PDE8A: variants seen among roughly 807,000 people sequenced by gnomAD.
PDE8A encodes the protein high affinity cAMP-specific and IBMX-insensitive 3',5'-cyclic phosphodiesterase 8A.
In PDE8A, 59 loss-of-function variants were observed where a neutral mutation model predicts 105.0. The observed-to-expected ratio is 0.56, with a 90% confidence interval of 0.46 to 0.70. PDE8A has a LOEUF of 0.70. PDE8A is among the 30% of genes least tolerant of loss of function. The pLI is 0.00. For missense variants in PDE8A, 1,014 were observed against 1,045.9 expected (o/e 0.97, Z 0.42); for synonymous variants, 355 against 371.9 (o/e 0.95, Z 0.52).
chr15:85,022,414 G>T (rs2080441507), intron 1 of PDE8A, among the ~76,000 whole-genome samples: 1 of 140,238 alleles, frequency 7.1e-6, no homozygotes, highest in Non-Finnish European at 1.5e-5. Context: ...GCTTTGTCTG[G>T]GTATTGGAAG....
chr15:85,072,289 C>T (rs2081323182), intron 3 of PDE8A, among the ~76,000 whole-genome samples: 1 of 152,194 alleles, frequency 6.6e-6, no homozygotes, highest in African/African-American at 2.4e-5. Context: ...TATAGTGAGC[C>T]TCCATTATGT....
At chr15:85,039,962 G>A (rs1485375325) in intron 1 of PDE8A, among the ~76,000 whole-genome samples, 5 of 151,988 alleles carry the variant, frequency 3.3e-5, no homozygotes, top group African/African-American at 9.7e-5. Context: ...GGGAAAAGAG[G>A]ATACACTGGT....
rs2082116472 is a variant in PDE8A at position 85,117,625 on chromosome 15, T to G, written c.1536-16T>G. On this transcript the variant is annotated splice_polypyrimidine_tract_variant and intron_variant, in intron 16 of 21. Transcript: ENST00000394553. Reference sequence around the variant, plus strand: ...TTTGCTTTGTTCTAATATTGTGGGGTTTTTTCTGTCTATAGGCCTTTGATT... The same window carrying G: ...TTTGCTTTGTTCTAATATTGTGGGGGTTTTTCTGTCTATAGGCCTTTGATT... 5 of 1,610,474 alleles carry G rather than the reference T, an allele frequency of 3.1e-6. No homozygotes were observed. Among genetic ancestry groups the G allele is most frequent in the Non-Finnish European group, 3.4e-6 (4 of 1,177,150 alleles).
At chr15:85,036,522 A>C (rs2080709020) in intron 1 of PDE8A, among the ~76,000 whole-genome samples, 1 of 152,218 alleles carries the variant, frequency 6.6e-6, no homozygotes, top group African/African-American at 2.4e-5. Context: ...CTCAGAGAGT[A>C]AAGCTATGAG....
At chr15:85,131,245 G>A (rs1305181515) in intron 20 of PDE8A, among the ~76,000 whole-genome samples, 1 of 152,178 alleles carries the variant, frequency 6.6e-6, no homozygotes, top group Non-Finnish European at 1.5e-5. Context: ...CATTCTGACA[G>A]TCTGTGGCTT....
At chr15:85,057,199 A>G (rs2081073649) in intron 1 of PDE8A, among the ~76,000 whole-genome samples, 1 of 152,128 alleles carries the variant, frequency 6.6e-6, no homozygotes, top group Non-Finnish European at 1.5e-5. Flanking sequence ...ACCCAGCCGT[A>G]TGAGGTGTCA....
chr15:84,989,441 A>G (rs2079852238), intron 1 of PDE8A, among the ~76,000 whole-genome samples: 1 of 152,154 alleles, frequency 6.6e-6, no homozygotes, highest in African/African-American at 2.4e-5. Context: ...TACTCTGCTT[A>G]TAGGATAACC....
chr15:85,066,633 C>T (rs1351922981), intron 2 of PDE8A, among the ~76,000 whole-genome samples: 2 of 120,644 alleles, frequency 1.7e-5, no homozygotes, highest in Non-Finnish European at 3.5e-5. Context: ...CACACACACA[C>T]ACACACACAG....
chr15:85,056,187 C>G (rs1029855062), intron 1 of PDE8A, among the ~76,000 whole-genome samples: 2 of 152,204 alleles, frequency 1.3e-5, no homozygotes, highest in African/African-American at 2.4e-5. Context: ...AGCTGTTAGT[C>G]TGATGGGCTT....
intron 1 of PDE8A, among the ~76,000 whole-genome samples, chr15:85,048,516 C>T (rs2923731): frequency 0.77 from 117,629 of 152,098 alleles, 45,661 homozygotes; most frequent in African/African-American, 0.82. Flanking sequence ...CTTTCTCTTA[C>T]GAAACTGTGC....
intron 1 of PDE8A, among the ~76,000 whole-genome samples, chr15:84,999,866 G>T (rs11629967): frequency 0.21 from 31,846 of 152,006 alleles, 4,383 homozygotes; most frequent in Middle Eastern, 0.35. Context: ...GAGCTACTGC[G>T]CCCGGCTGGC....
At chr15:85,120,293 T>A (rs1171118084) in intron 17 of PDE8A, 1 of 152,188 alleles carries the variant, frequency 6.6e-6, no homozygotes, top group African/African-American at 2.4e-5. Context: ...ATAAAACTTT[T>A]CAGAGTCTTG....
chr15:85,078,548 CA>C (rs72174562), intron 5 of PDE8A, among the ~76,000 whole-genome samples: 34,425 of 91,248 alleles, frequency 0.38, 2,578 homozygotes, highest in East Asian at 0.46. Context: ...TACTCCATCT[CA>C]AAAAAAAAAA....
intron 1 of PDE8A, among the ~76,000 whole-genome samples, chr15:85,014,805 A>G (rs1238769040): frequency 6.6e-6 from 1 of 152,188 alleles, no homozygotes; most frequent in Non-Finnish European, 1.5e-5. Context: ...TCGCCCTTAT[A>G]AAGTAGACAA....
At chr15:85,009,102 AGAGAGAGAGTGTGTGTGT>A (rs757787642) in intron 1 of PDE8A, among the ~76,000 whole-genome samples, 152 of 76,664 alleles carry the variant, frequency 2.0e-3, no homozygotes, top group African/African-American at 2.5e-3. Flanking sequence ...AGAGAGAGAG[AGAGAGAGAGTGTGTGTGT>A]GTGTGTGTGT....
intron 3 of PDE8A, among the ~76,000 whole-genome samples, chr15:85,071,962 G>A (rs564594783): frequency 6.6e-6 from 1 of 152,284 alleles, no homozygotes; most frequent in East Asian, 1.9e-4. Context: ...TGGTGCAACA[G>A]GAGTAGGTCT....
At chr15:85,012,075 T>C (rs1305570381) in intron 1 of PDE8A, among the ~76,000 whole-genome samples, 1 of 152,068 alleles carries the variant, frequency 6.6e-6, no homozygotes, top group Non-Finnish European at 1.5e-5. Context: ...TGTGGAGAAA[T>C]AGGAACACTT....
Position 84,989,015 on chromosome 15 carries a change from AC to A in PDE8A, c.186+6670del, listed in dbSNP as rs2079846139. Among the ~76,000 whole-genome samples the A allele has an allele frequency of 2.0e-5, 3 of 152,198 alleles. No individual in the cohort carries two copies. In the South Asian group the frequency reaches 6.2e-4, roughly 32 times the overall value. On this transcript the variant is annotated intron_variant, in intron 1 of 21. Transcript: ENST00000394553. Reference sequence around the variant, plus strand: ...CTGTGTTTTAACAGAAAGCTAAAATACCCTTAAGCCAGTGATTAATCTGTGG... The same window carrying A: ...CTGTGTTTTAACAGAAAGCTAAAATACCTTAAGCCAGTGATTAATCTGTGG...
At chr15:85,129,776 TAGG>T (rs1210649287) in intron 20 of PDE8A, among the ~76,000 whole-genome samples, 1 of 152,208 alleles carries the variant, frequency 6.6e-6, no homozygotes, top group African/African-American at 2.4e-5. Context: ...CATGTTAAGT[TAGG>T]TTGTTGATTT....
Sources: allele counts gnomAD v4.1 joint callset (sites outside exome capture counted in the v4.1 genomes callset), GRCh38; gene constraint gnomAD v4.1.1; transcripts MANE v1.5; gene names NCBI Gene and HGNC (gene_info 2026-07-23, HGNC 2026-07-21).